SMCHD1: variants seen among roughly 807,000 people sequenced by gnomAD.
The protein encoded by SMCHD1 is structural maintenance of chromosomes flexible hinge domain-containing protein 1.
SMCHD1 carries 78 observed loss-of-function variants against 254.7 expected under a neutral mutation model. The observed-to-expected ratio is 0.31, with a 90% CI of 0.26 to 0.37. SMCHD1 has a LOEUF of 0.37. Ranked by LOEUF, SMCHD1 falls within the 10% of genes least tolerant of loss-of-function variation. The pLI, the probability that SMCHD1 is intolerant of heterozygous loss-of-function variation, is 1.00. For synonymous variants in SMCHD1, 766 were observed against 794.9 expected, an observed-to-expected ratio of 0.96 and a Z score of 0.61; for missense variants, 1,840 against 2,408.1, an observed-to-expected ratio of 0.76 and a Z score of 4.94.
At chr18:2,709,674 T>G (rs987521640) in intron 17 of SMCHD1, among the ~76,000 whole-genome samples, 6 of 152,214 alleles carry the variant, frequency 3.9e-5, no homozygotes, top group Non-Finnish European at 8.8e-5. Context: ...TCAGTGATTT[T>G]GGCCATCTTT....
chr18:2,799,722 A>G (rs937303232), intron 47 of SMCHD1, among the ~76,000 whole-genome samples: 18 of 152,104 alleles, frequency 1.2e-4, no homozygotes, highest in Non-Finnish European at 1.9e-4. Flanking sequence ...AATTGTTACT[A>G]AGACTCTTTC....
chr18:2,764,730 G>T (rs1022631386), intron 37 of SMCHD1, among the ~76,000 whole-genome samples: 2 of 152,172 alleles, frequency 1.3e-5, no homozygotes, highest in African/African-American at 4.8e-5. Context: ...TATGGAGTAT[G>T]TGCATAGGCT....
At chr18:2,680,370 C>A (rs561158701) in intron 5 of SMCHD1, among the ~76,000 whole-genome samples, 129 of 152,268 alleles carry the variant, frequency 8.5e-4, no homozygotes, top group Non-Finnish European at 1.6e-3. Flanking sequence ...TGAACTAATT[C>A]TGTTAAGTCT....
chr18:2,727,746 G>A lies in SMCHD1; in HGVS notation c.2774-711G>A, dbSNP rs781482549. On this transcript the variant is annotated intron_variant, in intron 22 of 47. Coordinates refer to ENST00000320876, the MANE Select transcript of SMCHD1 (RefSeq NM_015295.3). ...TCATTAAGATTATTGTGAAGTTTAC[G>A]TAAGAATAGTGCTTAAAAAAACTTA... Among the ~76,000 whole-genome samples, 54 of 152,020 alleles carry A rather than the reference G, an allele frequency of 3.6e-4. No homozygotes were observed. The South Asian group carries it at 4.8e-3, about 13-fold the overall frequency.
rs1056489487 is a variant in SMCHD1 at position 2,696,504 on chromosome 18, A to G, written c.1041-528A>G. On this transcript the variant is annotated intron_variant, in intron 8 of 47. Transcript: ENST00000320876. ...AGGTGGAACATTTTCATCCCAAATC[A>G]CCCCCCTTCAACTCCCATCTCTGGA... Among the ~76,000 whole-genome samples, 4 of 151,720 alleles carry G rather than the reference A, an allele frequency of 2.6e-5. No individual in the cohort carries two copies. In the East Asian group the frequency reaches 7.7e-4, roughly 29 times the overall value.
intron 24 of SMCHD1, 57 bp downstream of exon 24, chr18:2,729,466 C>G: frequency 3.2e-6 from 4 of 1,246,706 alleles, no homozygotes; most frequent in Non-Finnish European, 4.2e-6. Flanking sequence ...AAATAGTCTT[C>G]AACTGCTTAA....
At chr18:2,716,551 G>A (rs954912734) in intron 17 of SMCHD1, among the ~76,000 whole-genome samples, 1 of 152,186 alleles carries the variant, frequency 6.6e-6, no homozygotes, top group Non-Finnish European at 1.5e-5. Flanking sequence ...GCAAAGCTAG[G>A]CAGGGCTGGG....
At chr18:2,693,368 G>C (rs1195019358) in intron 7 of SMCHD1, among the ~76,000 whole-genome samples, 1 of 152,162 alleles carries the variant, frequency 6.6e-6, no homozygotes, top group Admixed American at 6.5e-5. Flanking sequence ...AACTTAGATG[G>C]CATAGCCTGC....
At chr18:2,685,122 A>G (rs1356647963) in intron 5 of SMCHD1, among the ~76,000 whole-genome samples, 2 of 18,750 alleles carry the variant, frequency 1.1e-4, no homozygotes, top group African/African-American at 1.8e-4. Flanking sequence ...TTTTTTTGAG[A>G]CGAGTCTCGT....
At chr18:2,698,114 A>AT (rs1198871302) in intron 10 of SMCHD1, 73 bp downstream of exon 10, 3 of 1,245,544 alleles carry the variant, frequency 2.4e-6, no homozygotes, top group Non-Finnish European at 3.4e-6. Flanking sequence ...TTTCTAAATG[A>AT]TTATCGGTTG....
At chr18:2,725,050 G>A in intron 21 of SMCHD1, 55 bp downstream of exon 21, 4 of 1,060,076 alleles carry the variant, frequency 3.8e-6, no homozygotes, top group Non-Finnish European at 5.3e-6. Flanking sequence ...TTATCATATG[G>A]TAAGAATGAA....
At chr18:2,802,364 G>T (rs2076379502) in intron 47 of SMCHD1, among the ~76,000 whole-genome samples, 164 bp from the exon 48 acceptor site, 1 of 152,034 alleles carries the variant, frequency 6.6e-6, no homozygotes, top group African/African-American at 2.4e-5. Context: ...TACATGTGAA[G>T]GAAATGATTA....
chr18:2,789,211 T>A (rs1482317042), intron 45 of SMCHD1, among the ~76,000 whole-genome samples: 27 of 139,976 alleles, frequency 1.9e-4, no homozygotes, highest in Non-Finnish European at 1.8e-4. Flanking sequence ...TTATTATTTT[T>A]TTTTTTTTTT....
At chr18:2,687,170 T>C (rs1226371932) in intron 5 of SMCHD1, among the ~76,000 whole-genome samples, 1 of 152,186 alleles carries the variant, frequency 6.6e-6, no homozygotes, top group Non-Finnish European at 1.5e-5. Flanking sequence ...TTTTAGAAAT[T>C]CAACAATATG....
Position 2,688,755 on chromosome 18 carries a change from A to G in SMCHD1, c.873+8A>G, listed in dbSNP as rs1420901091. 2.4e-6 allele frequency: 3 copies of G among 1,274,950 alleles called. No homozygotes were observed. Among genetic ancestry groups the G allele is most frequent in the Admixed American group, 2.6e-5 (1 of 39,046 alleles). 79.0% of individuals were successfully genotyped at this position (1,274,950 alleles called of 1,614,324 possible). Reference sequence around the variant, plus strand: ...TATATTAGAAACAGAAAGGTACAATACATTTTAACTCATAATTATAAATTT... The same window carrying G: ...TATATTAGAAACAGAAAGGTACAATGCATTTTAACTCATAATTATAAATTT... On this transcript the variant is annotated splice_region_variant and intron_variant, in intron 7 of 47. Coordinates refer to ENST00000320876, the MANE Select transcript of SMCHD1 (RefSeq NM_015295.3).
intron 17 of SMCHD1, among the ~76,000 whole-genome samples, chr18:2,713,696 T>C (rs1245952307): frequency 1.3e-5 from 2 of 152,164 alleles, no homozygotes; most frequent in Admixed American, 1.3e-4. Context: ...AATATATATA[T>C]GTATTTTAAA....
In SMCHD1 at chr18:2,695,038, C is replaced by T. The variant is rs143228466; in HGVS notation, c.1040+345C>T. Reference sequence around the variant, plus strand: ...TTCCATAGGACCTGTCGTAATCTTCCATACCATATATATTTATTTTTGTTG... The same window carrying T: ...TTCCATAGGACCTGTCGTAATCTTCTATACCATATATATTTATTTTTGTTG... On this transcript the variant is annotated intron_variant, in intron 8 of 47. Coordinates refer to ENST00000320876, the MANE Select transcript of SMCHD1 (RefSeq NM_015295.3). Among the ~76,000 whole-genome samples, 626 of 105,874 alleles carry T rather than the reference C, an allele frequency of 5.9e-3. 3 individuals are homozygous for T. Among genetic ancestry groups the T allele is most frequent in the African/African-American group, 0.021 (605 of 28,680 alleles). 69.5% of individuals were successfully genotyped at this position (105,874 alleles called of 152,430 possible).
At chr18:2,717,017 C>T (rs989568410) in intron 17 of SMCHD1, among the ~76,000 whole-genome samples, 3 of 152,214 alleles carry the variant, frequency 2.0e-5, no homozygotes, top group Non-Finnish European at 2.9e-5. Context: ...GGAGGCTGCT[C>T]TCCTCAATAT....
rs989294283 is a variant in SMCHD1 at position 2,803,438 on chromosome 18, C to T, written c.*886C>T. 4.0e-5 allele frequency: 6 copies of T among 151,726 alleles called. No individual in the cohort carries two copies. The highest frequency in any genetic ancestry group is 1.2e-4 in the African/African-American group (5 of 41,342). 9.4% of individuals were successfully genotyped at this position (151,726 alleles called of 1,614,324 possible). ...CAAAAACATTTGAAATGTATATTAA[C>T]CTAATGTATGTCATATATATGTCTT... On this transcript the variant is annotated 3_prime_UTR_variant, in exon 48 of 48. Coordinates refer to ENST00000320876, the MANE Select transcript of SMCHD1 (RefSeq NM_015295.3).
Sources: gnomAD v4.1 joint callset for allele counts (sites outside exome capture counted in the v4.1 genomes callset) on GRCh38, gnomAD v4.1.1 for gene constraint, MANE v1.5 for transcripts, NCBI Gene and HGNC (gene_info 2026-07-23, HGNC 2026-07-21) for gene names.